The following CACNA1A variants were observed in gnomAD, a reference collection of about 807,000 sequenced individuals.
CACNA1A encodes calcium voltage-gated channel subunit alpha1 A.
In CACNA1A, 57 loss-of-function variants were observed where a neutral mutation model predicts 262.4. That is an observed-to-expected ratio of 0.22 (90% CI 0.18 to 0.27). The LOEUF (loss-of-function observed/expected upper bound fraction) is 0.27, where lower values mean the gene tolerates loss of function less well. CACNA1A is among the 10% of genes least tolerant of loss of function. The pLI, the probability that CACNA1A is intolerant of heterozygous loss-of-function variation, is 1.00. For missense variants in CACNA1A, 2,526 were observed against 3,562.8 expected, an observed-to-expected ratio of 0.71 and a Z score of 7.41; for synonymous variants, 1,431 against 1,419.3, an observed-to-expected ratio of 1.01 and a Z score of -0.18.
In CACNA1A at chr19:13,212,307, G is replaced by T; in HGVS notation, c.6189+77C>A. On this transcript the variant is annotated intron_variant, in intron 42 of 46. Transcript: ENST00000360228. The surrounding 1 kb of genome is among the most constrained non-coding windows in gnomAD (Gnocchi z 5.6). ...GAGGGAGGGAGCTGCAGGTGTGTGT[G>T]TGTGGGGGGCCCAGATCCCTTCCAC... 1.3e-6 allele frequency: 2 copies of T among 1,567,998 alleles called. No homozygotes were observed. Among genetic ancestry groups the T allele is most frequent in the African/African-American group, 1.3e-5 (1 of 74,288 alleles).
chr19:13,323,539 G>A (rs1172445448), intron 10 of CACNA1A, among the ~76,000 whole-genome samples: 4 of 152,052 alleles, frequency 2.6e-5, no homozygotes, highest in African/African-American at 7.2e-5. Context: ...TCAGCTCACT[G>A]CAACCTCCTC....
intron 3 of CACNA1A, among the ~76,000 whole-genome samples, chr19:13,432,039 A>C (rs1415525410): frequency 7.4e-6 from 1 of 134,320 alleles, no homozygotes; most frequent in Admixed American, 8.5e-5. Context: ...CGGGAGGCTG[A>C]GGTTGCAGTG....
chr19:13,486,994 C>A, intron 1 of CACNA1A, among the ~76,000 whole-genome samples: 1 of 152,140 alleles, frequency 6.6e-6, no homozygotes, highest in Non-Finnish European at 1.5e-5. Flanking sequence ...AAAAAGAGGC[C>A]CTGGCTGGGG....
At chr19:13,495,833 C>T (rs1353522856) in intron 1 of CACNA1A, among the ~76,000 whole-genome samples, 23 of 152,042 alleles carry the variant, frequency 1.5e-4, no homozygotes, top group Admixed American at 1.5e-3. Context: ...GTCTAGTCAT[C>T]TGCCTATTTA....
At chr19:13,268,169 G>A (rs1382858501) in intron 24 of CACNA1A, among the ~76,000 whole-genome samples, 1 of 152,088 alleles carries the variant, frequency 6.6e-6, no homozygotes, top group Non-Finnish European at 1.5e-5. Flanking sequence ...ATGAAGGAGG[G>A]GGTCAGCAAA....
In CACNA1A at chr19:13,360,674, C is replaced by T. The variant is rs1411080646; in HGVS notation, c.785-875G>A. Among the ~76,000 whole-genome samples the T allele has an allele frequency of 5.3e-5, 8 of 152,180 alleles. No individual in the cohort carries two copies. The East Asian group carries it at 1.5e-3, about 29-fold the overall frequency. On this transcript the variant is annotated intron_variant, in intron 5 of 46. Coordinates refer to ENST00000360228, the MANE Select transcript of CACNA1A (RefSeq NM_001127222.2). Reference sequence around the variant, plus strand: ...TGTATTTTTAGTGGAGATGGGGTTTCACCATGTTGGCCAGGCTGGTCTCGA... The same window carrying T: ...TGTATTTTTAGTGGAGATGGGGTTTTACCATGTTGGCCAGGCTGGTCTCGA...
intron 6 of CACNA1A, among the ~76,000 whole-genome samples, chr19:13,344,236 A>AC (rs1030055116): frequency 6.6e-6 from 1 of 151,644 alleles, no homozygotes; most frequent in African/African-American, 2.4e-5. Context: ...AAAAAAAAAA[A>AC]AAATTACAAA....
chr19:13,214,501 A>T lies in CACNA1A; in HGVS notation c.5839T>A (p.Ser1947Thr). ...TCCCAGGGCTGGGCTCAGCTCTTAC[A>T]CTTGTGAGGTGTGACCAGCAGGTCT... Reference protein sequence around the residue: ...TLDLLVTPHKSTDLTVGKIYA... With the variant: ...TLDLLVTPHKTTDLTVGKIYA... The change falls in exon 39 of 47, where the codon TCC becomes ACC. Residue 1947 changes from serine to threonine, a missense_variant and splice_region_variant. Ser to Thr is a moderately conservative substitution (Grantham distance 58). Coordinates refer to ENST00000360228, the MANE Select transcript of CACNA1A (RefSeq NM_001127222.2). This position sits in a 1 kb window ranked among gnomAD's most constrained non-coding sequence, Gnocchi z 4.1. 6.2e-7 allele frequency: 1 copy of T among 1,611,140 alleles called. No individual in the cohort carries two copies. The highest frequency in any genetic ancestry group is 2.2e-5 in the East Asian group (1 of 44,830).
intron 38 of CACNA1A, among the ~76,000 whole-genome samples, chr19:13,220,697 C>T (rs1473341615): frequency 6.6e-6 from 1 of 152,192 alleles, no homozygotes; most frequent in African/African-American, 2.4e-5. Flanking sequence ...CATCATATAG[C>T]TCACTGCAGC....
chr19:13,426,175 A>G (rs2060398851), intron 3 of CACNA1A, among the ~76,000 whole-genome samples: 1 of 152,250 alleles, frequency 6.6e-6, no homozygotes, highest in Non-Finnish European at 1.5e-5. Context: ...AACAAGAGAC[A>G]GCAGAAAAAA....
chr19:13,246,942 A>T (rs893993294), intron 30 of CACNA1A, among the ~76,000 whole-genome samples: 1 of 152,142 alleles, frequency 6.6e-6, no homozygotes, highest in African/African-American at 2.4e-5. Context: ...TTGTTAAAAT[A>T]TGGAAATACT....
chr19:13,439,758 G>C (rs957581389), intron 3 of CACNA1A, among the ~76,000 whole-genome samples: 1 of 151,960 alleles, frequency 6.6e-6, no homozygotes, highest in South Asian at 2.1e-4. Context: ...GGCTATCTTA[G>C]GCATAAAAGG....
intron 38 of CACNA1A, among the ~76,000 whole-genome samples, chr19:13,222,544 T>C (rs766084439): frequency 1.3e-5 from 2 of 151,192 alleles, no homozygotes; most frequent in Non-Finnish European, 2.9e-5. Context: ...TACAGGTGCG[T>C]GCCACCACAC....
In CACNA1A at chr19:13,277,449, C is replaced by A. The variant is rs142944837; in HGVS notation, c.3823-321G>T. ...CCCAAGCCCTGTAGTGGATTAGAAG[C>A]GGCCCCAGAGAAGTTCAGGGCTGAC... On this transcript the variant is annotated intron_variant, in intron 22 of 46. Coordinates refer to ENST00000360228, the MANE Select transcript of CACNA1A (RefSeq NM_001127222.2). The A allele has an allele frequency of 6.6e-5, 14 of 213,262 alleles. No individual in the cohort carries two copies. In the East Asian group the frequency reaches 1.5e-3, roughly 24 times the overall value. The allele number at this position is 213,262 out of a possible 1,614,324, so 13.2% of individuals were successfully genotyped here. A position where few individuals can be genotyped will look rare whatever the true frequency, so the allele number is the denominator to read the frequency against.
chr19:13,406,465 T>TTATATATA lies in CACNA1A; in HGVS notation c.540-34694_540-34687dup, dbSNP rs61273249. ...GGGAGACTCTGTCTCAAAAAAAAAATTATATATATATATATATATATATAT... is the reference window on the plus strand; with the variant it reads ...GGGAGACTCTGTCTCAAAAAAAAAATTATATATATATATATATATATATATATATATAT... On this transcript the variant is annotated intron_variant, in intron 3 of 46. Transcript: ENST00000360228. Among the ~76,000 whole-genome samples, 54 of 31,540 alleles carry TTATATATA rather than the reference T, an allele frequency of 1.7e-3. 4 individuals are homozygous for TTATATATA. The highest frequency in any genetic ancestry group is 3.0e-3 in the Non-Finnish European group (40 of 13,238). The allele number at this position is 31,540 out of a possible 152,430, so 20.7% of individuals were successfully genotyped here. A position where few individuals can be genotyped will look rare whatever the true frequency, so the allele number is the denominator to read the frequency against.
intron 17 of CACNA1A, 81 bp from the exon 18 acceptor site, chr19:13,300,737 G>A: frequency 9.1e-7 from 1 of 1,093,192 alleles, no homozygotes; most frequent in Non-Finnish European, 1.4e-6. Context: ...GCTGACCAGG[G>A]GCAACATTTG....
intron 1 of CACNA1A, 58 bp downstream of exon 1, chr19:13,505,874 G>A: frequency 6.5e-7 from 1 of 1,536,844 alleles, no homozygotes; most frequent in African/African-American, 1.4e-5. Flanking sequence ...CTGGAAGAGG[G>A]GAGGCGGAGG....
In CACNA1A at chr19:13,285,988, G is replaced by A. The variant is rs187772963; in HGVS notation, c.3553+515C>T. The stretch of plus-strand genomic sequence containing the variant: ...TTTTTTTTTTTTTTGAGACAGTCTC[G>A]CTTTGTCACCCAGGCTGCAGTACAG... On this transcript the variant is annotated intron_variant, in intron 20 of 46. Transcript: ENST00000360228. Among the ~76,000 whole-genome samples the A allele has an allele frequency of 8.4e-4, 99 of 118,544 alleles. No homozygotes were observed. The East Asian group carries it at 0.021, about 25-fold the overall frequency. 77.8% of individuals were successfully genotyped at this position (118,544 alleles called of 152,430 possible). A position where few individuals can be genotyped will look rare whatever the true frequency, so the allele number is the denominator to read the frequency against.
chr19:13,462,687 T>C (rs2061146260), intron 1 of CACNA1A, among the ~76,000 whole-genome samples: 1 of 152,238 alleles, frequency 6.6e-6, no homozygotes, highest in South Asian at 2.1e-4. Flanking sequence ...AAACAAATTT[T>C]CAAGGTCACA....
Sources: allele counts gnomAD v4.1 joint callset (sites outside exome capture counted in the v4.1 genomes callset), GRCh38; gene constraint gnomAD v4.1.1; non-coding constraint Gnocchi (gnomAD v3.1); transcripts MANE v1.5; gene names NCBI Gene and HGNC (gene_info 2026-07-23, HGNC 2026-07-21).